Variants in GRXCR2 observed in about 807,000 individuals in gnomAD.
GRXCR2 encodes glutaredoxin domain-containing cysteine-rich protein 2.
A neutral mutation model predicts 24.8 loss-of-function variants in GRXCR2; 23 were observed. The ratio of observed to expected loss-of-function variants is 0.93; its 90% CI spans 0.67 to 1.32. The LOEUF is 1.32. Among genes scored for constraint, GRXCR2 ranks in the 40% most tolerant of loss-of-function variants. GRXCR2 has a pLI of 0.00. For synonymous variants in GRXCR2, 130 were observed against 116.1 expected (o/e 1.12, Z -0.77); for missense variants, 315 against 303.4 (o/e 1.04, Z -0.28).
chr5:145,885,510 C>T (rs1372629124), intron 2 of GRXCR2, among the ~76,000 whole-genome samples: 1 of 152,144 alleles, frequency 6.6e-6, no homozygotes, highest in Non-Finnish European at 1.5e-5. Context: ...TCAAGGGGCT[C>T]TGCTTAGAAA....
chr5:145,916,093 G>A (rs912254817), intron 2 of GRXCR2, among the ~76,000 whole-genome samples: 1 of 152,152 alleles, frequency 6.6e-6, no homozygotes, highest in African/African-American at 2.4e-5. Context: ...GCATGGTTGT[G>A]TGGGAGGCGA....
upstream of GRXCR2, among the ~76,000 whole-genome samples, chr5:145,877,657 A>G (rs1442589087): frequency 6.6e-6 from 1 of 152,242 alleles, no homozygotes; most frequent in Non-Finnish European, 1.5e-5. Context: ...CGCAGAAGAC[A>G]TGTGATTTCT....
At chr5:145,891,641 C>T (rs908079639) in intron 2 of GRXCR2, among the ~76,000 whole-genome samples, 1 of 152,156 alleles carries the variant, frequency 6.6e-6, no homozygotes, top group Non-Finnish European at 1.5e-5. Flanking sequence ...CCAGGAAGCT[C>T]GAACTCGGTG....
intron 2 of GRXCR2, among the ~76,000 whole-genome samples, chr5:145,926,804 T>A (rs545700286): frequency 7.2e-5 from 11 of 152,372 alleles, no homozygotes; most frequent in African/African-American, 2.4e-4. Context: ...ATTGAATCTA[T>A]AAATTACCTT....
chr5:145,895,389 T>C (rs750246240), intron 2 of GRXCR2, among the ~76,000 whole-genome samples: 11 of 152,138 alleles, frequency 7.2e-5, no homozygotes, highest in Admixed American at 1.3e-4. Context: ...GAAAACCCCA[T>C]TGTCTCAGCC....
intron 2 of GRXCR2, among the ~76,000 whole-genome samples, chr5:145,902,775 T>A (rs1472174131): frequency 1.3e-5 from 2 of 152,240 alleles, no homozygotes; most frequent in Non-Finnish European, 2.9e-5. Flanking sequence ...TCAGGCATGA[T>A]GTTCAGTGAT....
Position 145,890,772 on chromosome 5 carries a change from T to C in GRXCR2, c.-69-24044A>G, listed in dbSNP as rs943279301. 1.1e-4 allele frequency among the ~76,000 whole-genome samples: 16 copies of C among 151,714 alleles called. 1 individual carries two copies. Among genetic ancestry groups the C allele is most frequent in the Admixed American group, 3.3e-4 (5 of 15,220 alleles). On this transcript the variant is annotated intron_variant, in intron 2 of 3. Transcript: ENST00000639411. ...ATATGCTCAAAATTTCACATGTTAA[T>C]ATTAATTTTGAATGCAGATGGTCTA...
intron 2 of GRXCR2, among the ~76,000 whole-genome samples, chr5:145,900,127 T>G (rs1214251493): frequency 6.6e-6 from 1 of 152,058 alleles, no homozygotes; most frequent in Non-Finnish European, 1.5e-5. Context: ...GTCCCTGCCC[T>G]AATCTCATGT....
At chr5:145,870,706 A>G (rs1210876078) in intron 1 of GRXCR2, among the ~76,000 whole-genome samples, 2 of 152,180 alleles carry the variant, frequency 1.3e-5, no homozygotes, top group Non-Finnish European at 2.9e-5. Flanking sequence ...TTTTTCATAA[A>G]TACCACATTG....
chr5:145,867,031 G>A lies in GRXCR2; in HGVS notation c.337-303C>T, dbSNP rs144026926. 8.9e-3 allele frequency among the ~76,000 whole-genome samples: 1,353 copies of A among 152,308 alleles called. 18 individuals are homozygous for A. Among genetic ancestry groups the A allele is most frequent in the African/African-American group, 0.031 (1,289 of 41,566 alleles). On this transcript the variant is annotated intron_variant, in intron 1 of 2. Coordinates refer to ENST00000377976, the MANE Select transcript of GRXCR2 (RefSeq NM_001080516.2). ...TGTACTGCATACCCCAACAGCCAAT[G>A]CAGGGCTGGGTACAATGAGTGTTTA...
chr5:145,912,196 C>T (rs953337653), intron 2 of GRXCR2, among the ~76,000 whole-genome samples: 8 of 152,168 alleles, frequency 5.3e-5, no homozygotes, highest in East Asian at 1.9e-4. Flanking sequence ...CAGTGCTGGG[C>T]GGACAAAGGT....
chr5:145,895,025 C>T (rs763859520), intron 2 of GRXCR2, among the ~76,000 whole-genome samples: 41 of 152,052 alleles, frequency 2.7e-4, no homozygotes, highest in African/African-American at 6.3e-4. Context: ...ACAGAACCAA[C>T]GACAAAAACC....
intron 2 of GRXCR2, among the ~76,000 whole-genome samples, chr5:145,886,234 G>A (rs1050836961): frequency 2.0e-5 from 3 of 152,202 alleles, no homozygotes; most frequent in South Asian, 4.1e-4. Flanking sequence ...ATATCCCATA[G>A]TTTGCTTTGA....
chr5:145,900,143 T>C (rs409136), intron 2 of GRXCR2, among the ~76,000 whole-genome samples: 15,295 of 152,088 alleles, frequency 0.1, 1,667 homozygotes, highest in African/African-American at 0.27. Context: ...CATGTTGAAT[T>C]GTAATCCCCA....
At chr5:145,913,164 T>G (rs1044503500) in intron 2 of GRXCR2, among the ~76,000 whole-genome samples, 1 of 152,200 alleles carries the variant, frequency 6.6e-6, no homozygotes, top group East Asian at 1.9e-4. Context: ...AACTGCAACA[T>G]TAATGTGGGT....
intron 2 of GRXCR2, among the ~76,000 whole-genome samples, chr5:145,927,462 C>G (rs951117381): frequency 2.0e-5 from 3 of 152,062 alleles, no homozygotes; most frequent in African/African-American, 7.2e-5. Flanking sequence ...GTGTCAAAGG[C>G]CTTTTCTGCA....
intron 2 of GRXCR2, among the ~76,000 whole-genome samples, chr5:145,883,866 C>T (rs575382480): frequency 1.3e-5 from 2 of 152,144 alleles, no homozygotes; most frequent in Admixed American, 6.6e-5. Context: ...CCAGCCTGGG[C>T]GACAGAGTGA....
intron 1 of GRXCR2, 71 bp downstream of exon 1, chr5:145,872,562 T>C: frequency 2.3e-6 from 3 of 1,319,610 alleles, no homozygotes; most frequent in East Asian, 4.7e-5. Context: ...ATCTGAACCA[T>C]TTAGGAGTTT....
At chr5:145,873,154 A>C, upstream of GRXCR2, 1 of 599,976 alleles carries the variant, frequency 1.7e-6, no homozygotes, top group South Asian at 2.1e-5. Flanking sequence ...ATGAAAAGGC[A>C]GGTGATTCTG....
Sources: gnomAD v4.1 joint callset for allele counts (sites outside exome capture counted in the v4.1 genomes callset) on GRCh38, gnomAD v4.1.1 for gene constraint, MANE v1.5 for transcripts, NCBI Gene and HGNC (gene_info 2026-07-23, HGNC 2026-07-21) for gene names.